Variants in MID1 observed in about 807,000 individuals in gnomAD.
MID1 encodes midline 1.
Under a neutral mutation model 40.4 loss-of-function variants are expected in MID1, and 7 were observed. The ratio of observed to expected loss-of-function variants is 0.17; its 90% CI spans 0.10 to 0.33. MID1 has a LOEUF of 0.33. MID1 is among the 10% of genes least tolerant of loss of function. The probability of loss-of-function intolerance (pLI) is 1.00; values close to 1 mark genes in which losing one functional copy is unlikely to be tolerated. For synonymous variants in MID1, 229 were observed against 221.2 expected (o/e 1.04, Z -0.31); for missense variants, 367 against 558.5 (o/e 0.66, Z 3.46).
chrX:10,602,814 G>C (rs1395969714), intron 1 of MID1, among the ~76,000 whole-genome samples: 1 of 111,996 alleles, frequency 8.9e-6, no homozygotes, highest in Non-Finnish European at 1.9e-5. Flanking sequence ...GCCACCACAT[G>C]CTCATTCTAT....
At chrX:10,762,638 T>A (rs1311027468) in intron 1 of MID1, among the ~76,000 whole-genome samples, 1 of 111,114 alleles carries the variant, frequency 9.0e-6, no homozygotes, top group African/African-American at 3.3e-5. Flanking sequence ...TTTTGCCATG[T>A]TGCCCAGGCT....
chrX:10,678,969 G>C (rs2043040833), intron 1 of MID1, among the ~76,000 whole-genome samples: 1 of 111,230 alleles, frequency 9.0e-6, no homozygotes, highest in African/African-American at 3.3e-5. Flanking sequence ...GGTTGGGGGA[G>C]AGATTTGGCA....
At chrX:10,694,729 G>C (rs2043151082) in intron 1 of MID1, among the ~76,000 whole-genome samples, 1 of 111,945 alleles carries the variant, frequency 8.9e-6, no homozygotes, top group African/African-American at 3.2e-5. Context: ...ATTTTACAAA[G>C]CATGGTGAAA....
intron 1 of MID1, among the ~76,000 whole-genome samples, chrX:10,649,384 G>A (rs1936294646): frequency 8.9e-6 from 1 of 111,769 alleles, no homozygotes; most frequent in South Asian, 3.8e-4. Context: ...TCCATCTGGC[G>A]GGGCTGGTTG....
At chrX:10,610,973 C>T (rs1935726679) in intron 1 of MID1, among the ~76,000 whole-genome samples, 1 of 112,125 alleles carries the variant, frequency 8.9e-6, no homozygotes, top group Non-Finnish European at 1.9e-5. Context: ...CTGAAGAGGA[C>T]ACTCCCTTCT....
At chrX:10,767,572 G>T (rs1305162871) in intron 1 of MID1, among the ~76,000 whole-genome samples, 1 of 111,805 alleles carries the variant, frequency 8.9e-6, no homozygotes, top group Non-Finnish European at 1.9e-5. Context: ...ACCCGCCTCG[G>T]CCTCCCAAAG....
At chrX:10,776,762 A>G (rs2147129856) in intron 1 of MID1, among the ~76,000 whole-genome samples, 1 of 111,416 alleles carries the variant, frequency 9.0e-6, no homozygotes, top group South Asian at 3.8e-4. Flanking sequence ...AGGCTGGGCG[A>G]CAATGCATGA....
chrX:10,717,002 T>G (rs1302228449), intron 1 of MID1, among the ~76,000 whole-genome samples: 1 of 111,158 alleles, frequency 9.0e-6, no homozygotes, highest in Admixed American at 9.6e-5. Context: ...GCTGAGAGAT[T>G]TTGTCACCAC....
chrX:10,484,132 C>T (rs757053646), intron 4 of MID1, among the ~76,000 whole-genome samples: 2 of 108,486 alleles, frequency 1.8e-5, no homozygotes, highest in East Asian at 5.6e-4. Context: ...GGAAGGCATC[C>T]AGTACGCGCA....
intron 1 of MID1, among the ~76,000 whole-genome samples, chrX:10,828,517 C>G (rs191024692): frequency 9.0e-5 from 10 of 111,453 alleles, no homozygotes; most frequent in African/African-American, 3.3e-4. Flanking sequence ...TTATAAAATA[C>G]GGTACTTTTG....
intron 1 of MID1, among the ~76,000 whole-genome samples, chrX:10,686,984 G>A (rs2043102749): frequency 9.0e-6 from 1 of 111,586 alleles, no homozygotes; most frequent in Admixed American, 9.5e-5. Context: ...CATTCCAGGA[G>A]TGAGATAGCA....
At chrX:10,702,181 A>C (rs1254195115) in intron 1 of MID1, among the ~76,000 whole-genome samples, 1 of 112,509 alleles carries the variant, frequency 8.9e-6, no homozygotes, top group Non-Finnish European at 1.9e-5. Flanking sequence ...CACTGGAAAT[A>C]ACATTTGGTT....
At chrX:10,497,514 C>T (rs886713547) in intron 3 of MID1, among the ~76,000 whole-genome samples, 1 of 111,424 alleles carries the variant, frequency 9.0e-6, no homozygotes, top group Non-Finnish European at 1.9e-5. Flanking sequence ...CCTTTTAGGT[C>T]AGTTTAACCA....
At chrX:10,632,640 G>C (rs1936065204) in intron 1 of MID1, among the ~76,000 whole-genome samples, 1 of 110,138 alleles carries the variant, frequency 9.1e-6, no homozygotes, top group Non-Finnish European at 1.9e-5. Context: ...GTCTGGGGTG[G>C]GGCCTAGAAA....
At chrX:10,718,544 G>A (rs1356061230) in intron 1 of MID1, among the ~76,000 whole-genome samples, 1 of 111,590 alleles carries the variant, frequency 9.0e-6, no homozygotes. Context: ...CTGAAATTGA[G>A]GCAATAATTA....
intron 2 of MID1, among the ~76,000 whole-genome samples, chrX:10,553,256 AAAAGAAATAAAAAAAAT>A (rs1448387273): frequency 1.7e-4 from 17 of 101,051 alleles, no homozygotes; most frequent in African/African-American, 7.4e-4. Flanking sequence ...TAAAAAAAAA[AAAAGAAATAAAAAAAAT>A]ATATATATAT....
At chrX:10,741,843 C>T (rs2043525199) in intron 1 of MID1, among the ~76,000 whole-genome samples, 1 of 111,375 alleles carries the variant, frequency 9.0e-6, no homozygotes, top group African/African-American at 3.3e-5. Context: ...AAATGATACT[C>T]AAGGTCACAG....
intron 1 of MID1, among the ~76,000 whole-genome samples, chrX:10,678,721 C>T (rs919931114): frequency 5.4e-5 from 6 of 111,699 alleles, no homozygotes; most frequent in Non-Finnish European, 7.5e-5. Flanking sequence ...AAAAGAAAAA[C>T]GGGCAAAGGT....
chrX:10,667,998 G>C, intron 1 of MID1, among the ~76,000 whole-genome samples: 1 of 112,279 alleles, frequency 8.9e-6, no homozygotes, highest in Non-Finnish European at 1.9e-5. Context: ...CAGTCCTGAA[G>C]CAAAGGCATG....
Sources: gnomAD v4.1 joint callset for allele counts (sites outside exome capture counted in the v4.1 genomes callset) on GRCh38, gnomAD v4.1.1 for gene constraint, MANE v1.5 for transcripts, NCBI Gene and HGNC (gene_info 2026-07-23, HGNC 2026-07-21) for gene names.